GULP1: variants seen among roughly 807,000 people sequenced by gnomAD.
The protein encoded by GULP1 is GULP PTB domain containing engulfment adaptor 1.
GULP1 carries 19 observed loss-of-function variants against 40.9 expected under a neutral mutation model. The ratio of observed to expected loss-of-function variants is 0.46; its 90% CI spans 0.32 to 0.68. The LOEUF is 0.68. Ranked by LOEUF, GULP1 falls within the 30% of genes least tolerant of loss-of-function variation. The probability of loss-of-function intolerance (pLI) is 0.03; values close to 1 mark genes in which losing one functional copy is unlikely to be tolerated. For missense variants in GULP1, 312 were observed against 362.2 expected, an observed-to-expected ratio of 0.86 and a Z score of 1.12; for synonymous variants, 119 against 117.6, an observed-to-expected ratio of 1.01 and a Z score of -0.08.
At chr2:188,328,170 T>C (rs570525857) in intron 1 of GULP1, among the ~76,000 whole-genome samples, 15 of 152,244 alleles carry the variant, frequency 9.9e-5, no homozygotes, top group African/African-American at 3.6e-4. Flanking sequence ...TGTAATAGGA[T>C]GAAAATACAT....
At chr2:188,427,681 C>T (rs959742781) in intron 2 of GULP1, among the ~76,000 whole-genome samples, 6 of 152,194 alleles carry the variant, frequency 3.9e-5, no homozygotes, top group African/African-American at 1.2e-4. Flanking sequence ...GGCTTGAGAG[C>T]CTCTGCCTAG....
At position 188,478,385 on chromosome 2, in the gene GULP1, G is replaced by A. The variant is rs150543035; in HGVS notation, c.28+655G>A. Among the ~76,000 whole-genome samples, 30 of 152,200 alleles carry A rather than the reference G, an allele frequency of 2.0e-4. No homozygotes were observed. The South Asian group carries it at 2.1e-3, about 11-fold the overall frequency. On this transcript the variant is annotated intron_variant, in intron 3 of 11. Coordinates refer to ENST00000409830, the MANE Select transcript of GULP1 (RefSeq NM_016315.4). ...GATAGAAAAATAAATATAACTTTGC[G>A]TAGGTCAGTGAAGTTTAAATAATGT...
intron 2 of GULP1, among the ~76,000 whole-genome samples, chr2:188,392,648 G>T (rs1487690718): frequency 2.0e-5 from 3 of 151,752 alleles, no homozygotes; most frequent in East Asian, 3.9e-4. Context: ...AGTTTGGTTT[G>T]TTCTTGTTTC....
At chr2:188,455,734 G>A (rs1011276675) in intron 2 of GULP1, among the ~76,000 whole-genome samples, 2 of 152,176 alleles carry the variant, frequency 1.3e-5, no homozygotes, top group African/African-American at 4.8e-5. Context: ...ATGTGGAAGC[G>A]AATTTGGAAC....
At chr2:188,298,630 G>A (rs2035506093) in intron 1 of GULP1, among the ~76,000 whole-genome samples, 2 of 152,134 alleles carry the variant, frequency 1.3e-5, no homozygotes, top group African/African-American at 4.8e-5. Flanking sequence ...CTTCTTAGCA[G>A]TAAATCAGTA....
chr2:188,307,992 G>A (rs1045914837), intron 1 of GULP1, among the ~76,000 whole-genome samples: 1 of 116,860 alleles, frequency 8.6e-6, no homozygotes, highest in Non-Finnish European at 1.8e-5. Context: ...TTTTTCACCA[G>A]TAGACAAGGA....
At chr2:188,527,042 CCTT>C (rs1686343333) in intron 5 of GULP1, among the ~76,000 whole-genome samples, 1 of 152,050 alleles carries the variant, frequency 6.6e-6, no homozygotes, top group Non-Finnish European at 1.5e-5. Context: ...CTCATTCTGT[CCTT>C]CTTCCCTCTC....
At chr2:188,313,975 C>A (rs191724305) in intron 1 of GULP1, among the ~76,000 whole-genome samples, 13 of 149,684 alleles carry the variant, frequency 8.7e-5, no homozygotes, top group Admixed American at 6.7e-5. Flanking sequence ...TTTTTTTCTT[C>A]TTTTAAAGTT....
chr2:188,492,947 A>G (rs1418059149), intron 4 of GULP1, among the ~76,000 whole-genome samples: 1 of 152,096 alleles, frequency 6.6e-6, no homozygotes, highest in Admixed American at 6.6e-5. Flanking sequence ...GCCTGGTAGC[A>G]TAGTCCACCC....
chr2:188,524,023 A>T (rs1251790220), intron 5 of GULP1, among the ~76,000 whole-genome samples: 1 of 152,172 alleles, frequency 6.6e-6, no homozygotes, highest in African/African-American at 2.4e-5. Flanking sequence ...CCAAAAGAGG[A>T]TTTAAAAGGG....
At chr2:188,517,033 A>G (rs2065242200) in intron 4 of GULP1, among the ~76,000 whole-genome samples, 1 of 152,196 alleles carries the variant, frequency 6.6e-6, no homozygotes, top group African/African-American at 2.4e-5. Context: ...ACTTATTCTT[A>G]TTAATATTGT....
intron 1 of GULP1, among the ~76,000 whole-genome samples, chr2:188,375,595 G>GA (rs1297150638): frequency 1.3e-5 from 2 of 152,106 alleles, no homozygotes; most frequent in Non-Finnish European, 2.9e-5. Flanking sequence ...CATTAATACT[G>GA]AAATGTATTT....
chr2:188,530,917 C>T (rs1405073134), intron 6 of GULP1, among the ~76,000 whole-genome samples: 1 of 152,194 alleles, frequency 6.6e-6, no homozygotes, highest in African/African-American at 2.4e-5. Flanking sequence ...GTTCTTCTAA[C>T]ACCATAGGAT....
intron 2 of GULP1, among the ~76,000 whole-genome samples, chr2:188,465,212 G>C (rs2060015058): frequency 6.6e-6 from 1 of 151,994 alleles, no homozygotes; most frequent in African/African-American, 2.4e-5. Context: ...TTATTCTTTT[G>C]TTAAGGGCAT....
chr2:188,552,137 ATTAT>A (rs1243109807), intron 7 of GULP1, among the ~76,000 whole-genome samples: 3 of 151,148 alleles, frequency 2.0e-5, no homozygotes, highest in African/African-American at 4.9e-5. Flanking sequence ...CATTCTGTTG[ATTAT>A]TTATTTTTCT....
At chr2:188,439,000 A>G (rs542915689) in intron 2 of GULP1, among the ~76,000 whole-genome samples, 1 of 152,188 alleles carries the variant, frequency 6.6e-6, no homozygotes, top group South Asian at 2.1e-4. Context: ...CTCTCTATGA[A>G]TTGTTTGTTA....
At chr2:188,450,042 A>G (rs947337434) in intron 2 of GULP1, among the ~76,000 whole-genome samples, 10 of 152,192 alleles carry the variant, frequency 6.6e-5, no homozygotes, top group African/African-American at 1.9e-4. Context: ...TTTACATATC[A>G]ATACATGCAA....
At chr2:188,387,834 G>A (rs1574928277) in intron 2 of GULP1, among the ~76,000 whole-genome samples, 1 of 152,138 alleles carries the variant, frequency 6.6e-6, no homozygotes, top group East Asian at 1.9e-4. Flanking sequence ...CAATTGCAGG[G>A]GAGCCAGATG....
At chr2:188,389,440 A>C (rs1297277938) in intron 2 of GULP1, among the ~76,000 whole-genome samples, 1 of 152,192 alleles carries the variant, frequency 6.6e-6, no homozygotes, top group Non-Finnish European at 1.5e-5. Context: ...CATTACCACA[A>C]TGTATATAAT....
Sources: allele counts gnomAD v4.1 joint callset (sites outside exome capture counted in the v4.1 genomes callset), GRCh38; gene constraint gnomAD v4.1.1; transcripts MANE v1.5; gene names NCBI Gene and HGNC (gene_info 2026-07-23, HGNC 2026-07-21).